Variants in ACVR1B observed in about 807,000 individuals in gnomAD.
ACVR1B encodes the protein activin A receptor type 1B.
Under a neutral mutation model 55.6 loss-of-function variants are expected in ACVR1B, and 15 were observed. The ratio of observed to expected loss-of-function variants is 0.27; its 90% CI spans 0.18 to 0.42. The LOEUF (loss-of-function observed/expected upper bound fraction) is 0.42. Among genes scored for constraint, ACVR1B ranks in the 10% least tolerant of loss-of-function variants. The pLI is 1.00. For synonymous variants in ACVR1B, 247 were observed against 254.6 expected, an observed-to-expected ratio of 0.97 and a Z score of 0.28; for missense variants, 359 against 670.1, an observed-to-expected ratio of 0.54 and a Z score of 5.13.
At position 51,975,408 on chromosome 12, in the gene ACVR1B, G is replaced by A. The variant is rs762882277; in HGVS notation, c.235G>A (p.Gly79Arg). The change falls in exon 2 of 9, where the codon GGG becomes AGG. Residue 79 changes from glycine (G) to arginine (R), a missense_variant. Transcript: ENST00000257963. Reference protein sequence around the residue: ...CIPKVELVPAGKPFYCLSSED... With the variant: ...CIPKVELVPARKPFYCLSSED... Reference sequence around the variant, plus strand: ...CCCCAAAGTGGAGCTGGTCCCTGCCGGGAAGCCCTTCTACTGCCTGAGCTC... The same window carrying A: ...CCCCAAAGTGGAGCTGGTCCCTGCCAGGAAGCCCTTCTACTGCCTGAGCTC... The A allele has an allele frequency of 1.2e-6, 2 of 1,614,142 alleles. No individual in the cohort carries two copies. Among genetic ancestry groups the A allele is most frequent in the Non-Finnish European group, 8.5e-7 (1 of 1,180,022 alleles).
chr12:51,964,903 A>ATT (rs993746788), intron 1 of ACVR1B, among the ~76,000 whole-genome samples: 1 of 147,278 alleles, frequency 6.8e-6, no homozygotes. Flanking sequence ...CTCCAACTTT[A>ATT]TTTTTTTTTT....
intron 1 of ACVR1B, among the ~76,000 whole-genome samples, chr12:51,954,267 A>C (rs148703152): frequency 6.6e-6 from 1 of 152,196 alleles, no homozygotes; most frequent in Non-Finnish European, 1.5e-5. Flanking sequence ...GGCCAGTGAT[A>C]AGGAGAATGA....
At chr12:51,965,975 A>C (rs1555159493) in intron 1 of ACVR1B, among the ~76,000 whole-genome samples, 1 of 152,156 alleles carries the variant, frequency 6.6e-6, no homozygotes, top group Non-Finnish European at 1.5e-5. Context: ...GAATCTGTGT[A>C]GCTAATGGTG....
At chr12:51,954,533 A>T (rs1941372969) in intron 1 of ACVR1B, among the ~76,000 whole-genome samples, 1 of 152,236 alleles carries the variant, frequency 6.6e-6, no homozygotes, top group Admixed American at 6.5e-5. Context: ...GTACAGTGGA[A>T]GTGCAGTCTT....
intron 1 of ACVR1B, among the ~76,000 whole-genome samples, chr12:51,973,405 G>A (rs74094864): frequency 6.6e-6 from 1 of 152,228 alleles, no homozygotes; most frequent in Admixed American, 6.5e-5. Flanking sequence ...TAAAGTGCCT[G>A]AATGTCCCCA....
chr12:51,956,515 T>C (rs529484715), intron 1 of ACVR1B, among the ~76,000 whole-genome samples: 7 of 152,126 alleles, frequency 4.6e-5, no homozygotes, highest in Non-Finnish European at 8.8e-5. Flanking sequence ...GTGAAGAAAA[T>C]AAAACAGGAT....
intron 1 of ACVR1B, among the ~76,000 whole-genome samples, chr12:51,969,105 C>T (rs550199770): frequency 1.3e-5 from 2 of 152,210 alleles, no homozygotes; most frequent in South Asian, 2.1e-4. Context: ...TGGAGTCTTC[C>T]ACCTGAAGCC....
At chr12:51,961,271 T>A (rs1941520841) in intron 1 of ACVR1B, among the ~76,000 whole-genome samples, 1 of 152,246 alleles carries the variant, frequency 6.6e-6, no homozygotes, top group Non-Finnish European at 1.5e-5. Context: ...GAGCCTTGCA[T>A]GTTTCAAGTA....
rs763673866 is a variant in ACVR1B at position 51,994,145 on chromosome 12, G to A, written c.*35G>A. 15 of 1,608,542 alleles carry A rather than the reference G, an allele frequency of 9.3e-6. No homozygotes were observed. Among genetic ancestry groups the A allele is most frequent in the Admixed American group, 1.7e-5 (1 of 59,968 alleles). On this transcript the variant is annotated 3_prime_UTR_variant, in exon 9 of 9. Transcript: ENST00000257963. The surrounding 1 kb of genome is among the most constrained non-coding windows in gnomAD (Gnocchi z 4.2). ...CTCTCCACACGGAGCTCCTGGCAGCGAGAACTACGCACAGCTGCCGCGTTG... is the reference window on the plus strand; with the variant it reads ...CTCTCCACACGGAGCTCCTGGCAGCAAGAACTACGCACAGCTGCCGCGTTG...
chr12:51,970,766 G>A (rs1941731734), intron 1 of ACVR1B, among the ~76,000 whole-genome samples: 1 of 152,232 alleles, frequency 6.6e-6, no homozygotes, highest in Non-Finnish European at 1.5e-5. Flanking sequence ...GGCAGAACTA[G>A]AAGGTTGCCC....
chr12:51,963,668 A>G (rs1941584021), intron 1 of ACVR1B, among the ~76,000 whole-genome samples: 2 of 152,246 alleles, frequency 1.3e-5, no homozygotes, highest in South Asian at 4.1e-4. Context: ...TCATAAATAT[A>G]CCACATTTTG....
chr12:51,969,683 T>C (rs1941709202), intron 1 of ACVR1B, among the ~76,000 whole-genome samples: 1 of 152,226 alleles, frequency 6.6e-6, no homozygotes, highest in South Asian at 2.1e-4. Flanking sequence ...CAGGTAGTTA[T>C]TTTAAAGTCA....
In ACVR1B at chr12:51,995,924, G is replaced by A. The variant is rs1365470718; in HGVS notation, c.*1814G>A. 1 of 152,726 alleles carries A rather than the reference G, an allele frequency of 6.5e-6. No individual in the cohort carries two copies. Among genetic ancestry groups the A allele is most frequent in the Admixed American group, 6.5e-5 (1 of 15,286 alleles). The allele number at this position is 152,726 out of a possible 1,614,324, so 9.5% of individuals were successfully genotyped here. ...AGGCATTTATTCAACAAATGTGGGT[G>A]AAGTGCCTGCTGGGTGCCAGGTGCT... is the stretch of plus-strand genomic sequence containing the variant. On this transcript the variant is annotated 3_prime_UTR_variant, in exon 9 of 9. Transcript: ENST00000257963.
chr12:51,982,909 G>A (rs1459571904), intron 4 of ACVR1B: 8 of 1,245,894 alleles, frequency 6.4e-6, no homozygotes, highest in Admixed American at 3.4e-5. Flanking sequence ...TTGTTAGCAG[G>A]GTCCTCAGGA....
intron 1 of ACVR1B, 72 bp downstream of exon 1, chr12:51,951,906 C>T (rs1941304313): frequency 1.0e-6 from 1 of 968,208 alleles, no homozygotes; most frequent in East Asian, 3.6e-5. Context: ...GAGCCGCGGC[C>T]GCTGGACTAC....
chr12:51,977,783 ATTTTTTTTTT>A lies in ACVR1B; in HGVS notation c.580+1222_580+1231del, dbSNP rs748536892. Among the ~76,000 whole-genome samples, 6 of 103,316 alleles carry A rather than the reference ATTTTTTTTTT, an allele frequency of 5.8e-5. No homozygotes were observed. In the South Asian group the frequency reaches 9.3e-4, roughly 16 times the overall value. 67.8% of individuals were successfully genotyped at this position (103,316 alleles called of 152,430 possible). ...CAGGCATGTGCCACCAAGCCTGGCA[ATTTTTTTTTT>A]TTTTTTTTTTTTTGTGGAAGGTTTC... On this transcript the variant is annotated intron_variant, in intron 3 of 8. Transcript: ENST00000257963.
chr12:51,975,810 C>T (rs890375172), intron 2 of ACVR1B, among the ~76,000 whole-genome samples: 1 of 152,078 alleles, frequency 6.6e-6, no homozygotes, highest in African/African-American at 2.4e-5. Context: ...TGGGACTGAT[C>T]CAGAAAGAGA....
chr12:51,963,252 AT>A (rs900207538), intron 1 of ACVR1B, among the ~76,000 whole-genome samples: 17 of 149,418 alleles, frequency 1.1e-4, no homozygotes, highest in East Asian at 5.8e-4. Context: ...TTATGTATTT[AT>A]TTTTTTTTTG....
At chr12:51,962,627 C>T (rs1445496727) in intron 1 of ACVR1B, among the ~76,000 whole-genome samples, 1 of 151,870 alleles carries the variant, frequency 6.6e-6, no homozygotes, top group Non-Finnish European at 1.5e-5. Context: ...GCCTTCCTGC[C>T]CCCCAAGAAA....
Sources: allele counts gnomAD v4.1 joint callset (sites outside exome capture counted in the v4.1 genomes callset), GRCh38; gene constraint gnomAD v4.1.1; non-coding constraint Gnocchi (gnomAD v3.1); transcripts MANE v1.5; gene names NCBI Gene and HGNC (gene_info 2026-07-23, HGNC 2026-07-21).